Variants in FUCA1 observed in about 807,000 individuals in gnomAD.
FUCA1 encodes alpha-L-fucosidase 1.
Under a neutral mutation model 56.8 loss-of-function variants are expected in FUCA1, and 52 were observed. The ratio of observed to expected loss-of-function variants is 0.92; its 90% CI spans 0.73 to 1.15. FUCA1 has a LOEUF of 1.15. FUCA1 is among the 50% of genes most tolerant of loss of function. The probability of loss-of-function intolerance (pLI) is 0.00; values close to 1 mark genes in which losing one functional copy is unlikely to be tolerated. For missense variants in FUCA1, 568 were observed against 592.6 expected (o/e 0.96, Z 0.43); for synonymous variants, 230 against 226.6 (o/e 1.02, Z -0.14).
rs1639653629 is a variant in FUCA1 at position 23,867,729 on chromosome 1, C to T, written c.389+169G>A. 2.0e-6 allele frequency: 2 copies of T among 985,296 alleles called. No homozygotes were observed. The highest frequency in any genetic ancestry group is 2.4e-6 in the Non-Finnish European group (2 of 829,906). The allele number at this position is 985,296 out of a possible 1,614,324, so 61.0% of individuals were successfully genotyped here. On this transcript the variant is annotated intron_variant, in intron 1 of 7. Coordinates refer to ENST00000374479, the MANE Select transcript of FUCA1 (RefSeq NM_000147.5). The surrounding 1 kb of genome is among the most constrained non-coding windows in gnomAD (Gnocchi z 4.9). Reference sequence around the variant, plus strand: ...CAGTCCCCAGTCAAACGCACCTCCTCCTCCTCATCAGGTGTGCCAGGCTCA... The same window carrying T: ...CAGTCCCCAGTCAAACGCACCTCCTTCTCCTCATCAGGTGTGCCAGGCTCA...
Position 23,868,177 on chromosome 1 carries a change from TAGCGGCGCGGAGGCTGGGCCCGACGCA to T in FUCA1, c.83_109del (p.Val28_Tyr37delinsAsp). 1 of 1,605,886 alleles carries T rather than the reference TAGCGGCGCGGAGGCTGGGCCCGACGCA, an allele frequency of 6.2e-7. No homozygotes were observed. The highest frequency in any genetic ancestry group is 8.5e-7 in the Non-Finnish European group (1 of 1,177,380). On this transcript the variant is annotated inframe_deletion, in exon 1 of 8. Transcript: ENST00000374479. ...ATCCAGGCTCGGCCAGTCTGGGGTGTAGCGGCGCGGAGGCTGGGCCCGACGCACCGACTCGGCCGCTCCGAGGAAGAG... is the reference window on the plus strand; with the variant it reads ...ATCCAGGCTCGGCCAGTCTGGGGTGTCCGACTCGGCCGCTCCGAGGAAGAG...
chr1:23,847,060 G>A (rs942932905), intron 6 of FUCA1, among the ~76,000 whole-genome samples: 14 of 152,172 alleles, frequency 9.2e-5, no homozygotes, highest in South Asian at 4.1e-4. Flanking sequence ...CCCAGTCCTC[G>A]AGTCTGTCAC....
At chr1:23,854,247 T>C (rs1186460231) in intron 5 of FUCA1, 113 bp downstream of exon 5, 8 of 864,410 alleles carry the variant, frequency 9.3e-6, no homozygotes, top group South Asian at 7.5e-5. Flanking sequence ...CTCCAAAATA[T>C]GCATCTGTAA....
rs1433697584 is a variant in FUCA1, at chr1:23,854,509, C to T, written c.820G>A (p.Gly274Arg). ...RWGQNCSCHHGGYYNCEDKFK... is the reference protein window; with the variant it reads ...RWGQNCSCHHRGYYNCEDKFK... ...TTATCTTCACAGTTATAGTATCCTC[C>T]ATGGTGACAGGAACAGTTCTGACCC... The change falls in exon 5 of 8, where the codon GGA becomes AGA. Residue 274 changes from glycine (G) to arginine (R), a missense_variant. Coordinates refer to ENST00000374479, the MANE Select transcript of FUCA1 (RefSeq NM_000147.5). The T allele has an allele frequency of 6.2e-7, 1 of 1,614,064 alleles. No individual in the cohort carries two copies. Among genetic ancestry groups the T allele is most frequent in the South Asian group, 1.1e-5 (1 of 91,072 alleles).
At position 23,845,755 on chromosome 1, in the gene FUCA1, G is replaced by T. The variant is rs760190068; in HGVS notation, c.1361C>A (p.Ala454Glu). 1.9e-6 allele frequency: 3 copies of T among 1,614,208 alleles called. No homozygotes were observed. The highest frequency in any genetic ancestry group is 2.2e-5 in the East Asian group (1 of 44,886). ...CAGCTTTATAGTCCAAGCAAACTCTGCGGGGACAGCAGAGGGTGGCAACTG... is the reference window on the plus strand; with the variant it reads ...CAGCTTTATAGTCCAAGCAAACTCTTCGGGGACAGCAGAGGGTGGCAACTG... ...LPQLPPSAVP[A>E]EFAWTIKLTG... is the part of the protein sequence containing the mutation. Residue 454 changes from alanine (A) to glutamate (E), a missense_variant, in exon 8 of 8, where the codon GCA becomes GAA. Coordinates refer to ENST00000374479, the MANE Select transcript of FUCA1 (RefSeq NM_000147.5).
In FUCA1 at chr1:23,867,238, C is replaced by G. The variant is rs1467987548; in HGVS notation, c.389+660G>C. 6.6e-6 allele frequency among the ~76,000 whole-genome samples: 1 copy of G among 152,178 alleles called. No individual in the cohort carries two copies. Among genetic ancestry groups the G allele is most frequent in the African/African-American group, 2.4e-5 (1 of 41,442 alleles). Reference sequence around the variant, plus strand: ...CCCCTGCCTTGACAACTTCATGGGTCGTGGTCTCCCCTTATCCCCACCCCA... The same window carrying G: ...CCCCTGCCTTGACAACTTCATGGGTGGTGGTCTCCCCTTATCCCCACCCCA... On this transcript the variant is annotated intron_variant, in intron 1 of 7. Transcript: ENST00000374479. The surrounding 1 kb of genome is among the most constrained non-coding windows in gnomAD (Gnocchi z 4.9).
At chr1:23,852,102 A>ATAATAATAATAATAAT (rs10529609) in intron 5 of FUCA1, among the ~76,000 whole-genome samples, 2 of 150,272 alleles carry the variant, frequency 1.3e-5, no homozygotes, top group African/African-American at 2.4e-5. Flanking sequence ...AATAATAATA[A>ATAATAATAATAATAAT]AAAGTGGTTT....
Position 23,865,770 on chromosome 1 carries a change from A to T in FUCA1, c.390-145T>A, listed in dbSNP as rs1639611326. 9.6e-6 allele frequency: 9 copies of T among 934,470 alleles called. No individual in the cohort carries two copies. The South Asian group carries it at 1.2e-4, about 13-fold the overall frequency. 57.9% of individuals were successfully genotyped at this position (934,470 alleles called of 1,614,324 possible). On this transcript the variant is annotated intron_variant, in intron 1 of 7. Transcript: ENST00000374479. The stretch of plus-strand genomic sequence containing the variant: ...ACCAGTGACTATATTAGTGATATCC[A>T]GGAAGCTGCTGCAGTCACAATTCCC...
chr1:23,845,556 C>T lies in FUCA1; in HGVS notation c.*159G>A. The T allele has an allele frequency of 1.3e-6, 1 of 795,256 alleles. No homozygotes were observed. The highest frequency in any genetic ancestry group is 1.6e-5 in the South Asian group (1 of 62,876). 49.3% of individuals were successfully genotyped at this position (795,256 alleles called of 1,614,324 possible). On this transcript the variant is annotated 3_prime_UTR_variant, in exon 8 of 8. Coordinates refer to ENST00000374479, the MANE Select transcript of FUCA1 (RefSeq NM_000147.5). ...ATCTCAGATCTTTGGTCCATTTAGA[C>T]ATCAGGGTAATGTACTCAGTTCCTT... is the stretch of plus-strand genomic sequence containing the variant.
Position 23,845,376 on chromosome 1 carries a change from A to C in FUCA1, c.*339T>G. Reference sequence around the variant, plus strand: ...ACCTCCTCCCATAGGCAACAGGGTGACTTGGCTTAAAGGCATTGAGTAAGC... The same window carrying C: ...ACCTCCTCCCATAGGCAACAGGGTGCCTTGGCTTAAAGGCATTGAGTAAGC... On this transcript the variant is annotated 3_prime_UTR_variant, in exon 8 of 8. Coordinates refer to ENST00000374479, the MANE Select transcript of FUCA1 (RefSeq NM_000147.5). 2.8e-6 allele frequency: 1 copy of C among 362,872 alleles called. No homozygotes were observed. Among genetic ancestry groups the C allele is most frequent in the Admixed American group, 4.1e-5 (1 of 24,628 alleles). 22.5% of individuals were successfully genotyped at this position (362,872 alleles called of 1,614,324 possible). A position where few individuals can be genotyped will look rare whatever the true frequency, so the allele number is the denominator to read the frequency against.
chr1:23,866,086 C>T (rs1184036911), intron 1 of FUCA1, among the ~76,000 whole-genome samples: 4 of 152,082 alleles, frequency 2.6e-5, no homozygotes, highest in African/African-American at 7.2e-5. Context: ...CCAAGGTGGG[C>T]GGATTACCTG....
At chr1:23,861,310 GAGACTCCGT>G (rs1639507743) in intron 3 of FUCA1, among the ~76,000 whole-genome samples, 1 of 114,264 alleles carries the variant, frequency 8.8e-6, no homozygotes, top group Non-Finnish European at 1.7e-5. Flanking sequence ...GCGACGGAGC[GAGACTCCGT>G]CTCAAAAAAA....
At position 23,860,653 on chromosome 1, in the gene FUCA1, T is replaced by C. The variant is rs191538380; in HGVS notation, c.663-750A>G. ...CTGATCTTTTCCTTTCTTCCTTTTTTTTTTTGAGACTGTTTTGCTTTGTCT... is the reference window on the plus strand; with the variant it reads ...CTGATCTTTTCCTTTCTTCCTTTTTCTTTTTGAGACTGTTTTGCTTTGTCT... On this transcript the variant is annotated intron_variant, in intron 3 of 7. Transcript: ENST00000374479. 6.8e-3 allele frequency among the ~76,000 whole-genome samples: 1,029 copies of C among 151,606 alleles called. 21 individuals carry two copies. The highest frequency in any genetic ancestry group is 0.023 in the African/African-American group (965 of 41,382).
chr1:23,851,509 A>G (rs1408019563), intron 5 of FUCA1, among the ~76,000 whole-genome samples: 1 of 152,190 alleles, frequency 6.6e-6, no homozygotes, highest in Non-Finnish European at 1.5e-5. Context: ...CTGTTAGTCT[A>G]TTCAATGTCC....
chr1:23,866,173 A>C (rs1221188593), intron 1 of FUCA1, among the ~76,000 whole-genome samples: 2 of 152,166 alleles, frequency 1.3e-5, no homozygotes, highest in Non-Finnish European at 2.9e-5. Context: ...TTAGCCGGGC[A>C]TGGTGGTGTG....
rs80358198 is a variant in FUCA1 at position 23,863,148 on chromosome 1, G to T, written c.648C>A (p.Tyr216Ter). The T allele has an allele frequency of 1.9e-6, 3 of 1,613,768 alleles. No individual in the cohort carries two copies. The highest frequency in any genetic ancestry group is 2.5e-6 in the Non-Finnish European group (3 of 1,179,958). The change falls in exon 3 of 8, where the codon TAC becomes TAA. Residue 216 changes from tyrosine (Y) to a stop codon, truncating the protein, a stop_gained. Transcript: ENST00000374479. LOFTEE classifies it high-confidence loss of function. ...CAGTGTCTTACCTGTTAACAAGGTC[G>T]TACAGCTCTGGCATTGTTTTTGCAC... The part of the protein sequence containing the change: ...FVSAKTMPEL[Y>*]DLVNSYKPDL...
chr1:23,855,956 C>T (rs1037561278), intron 4 of FUCA1, among the ~76,000 whole-genome samples: 3 of 152,146 alleles, frequency 2.0e-5, no homozygotes, highest in African/African-American at 7.2e-5. Context: ...AACCATCCAG[C>T]AGAGACTAGC....
At chr1:23,865,868 C>T (rs1639613309) in intron 1 of FUCA1, among the ~76,000 whole-genome samples, 1 of 152,180 alleles carries the variant, frequency 6.6e-6, no homozygotes, top group Non-Finnish European at 1.5e-5. Context: ...AAGGAGGAGG[C>T]CCAGAGGGAA....
intron 3 of FUCA1, among the ~76,000 whole-genome samples, chr1:23,862,510 GCCTCTGAAGCTTTAAGGGTCTACCGT>G (rs1176691134): frequency 6.6e-6 from 1 of 152,146 alleles, no homozygotes; most frequent in Non-Finnish European, 1.5e-5. Context: ...CCAGGCAGCT[GCCTCTGAAGCTTTAAGGGTCTACCGT>G]CCTCTATGAG....
Sources: gnomAD v4.1 joint callset for allele counts (sites outside exome capture counted in the v4.1 genomes callset) on GRCh38, gnomAD v4.1.1 for gene constraint, Gnocchi (gnomAD v3.1) non-coding constraint, MANE v1.5 for transcripts, NCBI Gene and HGNC (gene_info 2026-07-23, HGNC 2026-07-21) for gene names.